The following SATB2 variants were observed in gnomAD, a reference collection of about 807,000 sequenced individuals.
SATB2 encodes SATB homeobox 2.
SATB2 carries 1 observed loss-of-function variant against 73.4 expected under a neutral mutation model. The ratio of observed to expected loss-of-function variants is 0.01; its 90% CI spans 0.00 to 0.06. The LOEUF (loss-of-function observed/expected upper bound fraction) is 0.06. SATB2 is among the 10% of genes least tolerant of loss of function. SATB2 has a pLI of 1.00. For synonymous variants in SATB2, 397 were observed against 367.0 expected, an observed-to-expected ratio of 1.08 and a Z score of -0.93; for missense variants, 459 against 945.8, an observed-to-expected ratio of 0.49 and a Z score of 6.75.
chr2:199,383,276 G>A (rs1445342560), intron 3 of SATB2, among the ~76,000 whole-genome samples: 2 of 152,042 alleles, frequency 1.3e-5, no homozygotes, highest in Admixed American at 6.5e-5. Context: ...GTTTTCTTGC[G>A]GGGATAGTTT....
chr2:199,329,092 T>G, intron 7 of SATB2, 182 bp from the exon 8 acceptor site: 1 of 658,432 alleles, frequency 1.5e-6, no homozygotes, highest in Non-Finnish European at 2.7e-6. Flanking sequence ...CCGGGGGATA[T>G]GCATTATTTT....
chr2:199,278,259 G>A (rs534315390), intron 10 of SATB2, among the ~76,000 whole-genome samples: 2 of 152,108 alleles, frequency 1.3e-5, no homozygotes, highest in Non-Finnish European at 2.9e-5. Flanking sequence ...GAATATACTT[G>A]GTACAATTGC....
intron 10 of SATB2, among the ~76,000 whole-genome samples, chr2:199,276,494 G>A (rs996850815): frequency 6.6e-6 from 1 of 152,162 alleles, no homozygotes; most frequent in African/African-American, 2.4e-5. Flanking sequence ...TGCTGATGGA[G>A]AGACCTATAA....
In SATB2 at chr2:199,270,078, G is replaced by A. The variant is rs1455753377; in HGVS notation, c.*2133C>T. On this transcript the variant is annotated 3_prime_UTR_variant, in exon 11 of 11. Coordinates refer to ENST00000417098, the MANE Select transcript of SATB2 (RefSeq NM_001172509.2). ...AGTGTAAGAAGACAATTTGGAAAGAGTAACTCGGAGATCAGGAAGCAGCAA... is the reference window on the plus strand; with the variant it reads ...AGTGTAAGAAGACAATTTGGAAAGAATAACTCGGAGATCAGGAAGCAGCAA... The A allele has an allele frequency of 2.6e-5, 4 of 152,746 alleles. No individual in the cohort carries two copies. Among genetic ancestry groups the A allele is most frequent in the Admixed American group, 6.5e-5 (1 of 15,278 alleles). The allele number at this position is 152,746 out of a possible 1,614,324, so 9.5% of individuals were successfully genotyped here.
chr2:199,310,758 C>A (rs1687573043), intron 9 of SATB2, among the ~76,000 whole-genome samples: 1 of 152,170 alleles, frequency 6.6e-6, no homozygotes. Context: ...CAAAAACCTG[C>A]ATCTGTTAAA....
intron 2 of SATB2, among the ~76,000 whole-genome samples, chr2:199,440,415 A>G (rs139070342): frequency 9.1e-4 from 139 of 152,338 alleles, no homozygotes; most frequent in African/African-American, 3.2e-3. Context: ...TGAATGGTTT[A>G]GTGTTCTCCT....
In SATB2 at chr2:199,305,760, G is replaced by T. The variant is rs148017460; in HGVS notation, c.1740+3000C>A. 3.3e-3 allele frequency among the ~76,000 whole-genome samples: 500 copies of T among 152,184 alleles called. 2 individuals are homozygous for T. Among genetic ancestry groups the T allele is most frequent in the African/African-American group, 0.011 (465 of 41,522 alleles). On this transcript the variant is annotated intron_variant, in intron 10 of 10. Transcript: ENST00000417098. ...TACCCTAATACAACAGATTAATCTG[G>T]TGGGTAATTATGCACAGAAATCACT...
chr2:199,469,901 A>G (rs1260263736), upstream of SATB2: 4 of 152,532 alleles, frequency 2.6e-5, no homozygotes, highest in East Asian at 7.5e-4. Flanking sequence ...AGCTGTGTGT[A>G]TTGAGGGAAG....
intron 2 of SATB2, among the ~76,000 whole-genome samples, chr2:199,436,963 G>C (rs1204646715): frequency 6.6e-6 from 1 of 151,732 alleles, no homozygotes; most frequent in Non-Finnish European, 1.5e-5. Context: ...AAGATAGGGA[G>C]GTGCTTGAAA....
chr2:199,322,557 T>A (rs934684195), intron 9 of SATB2, among the ~76,000 whole-genome samples: 2 of 152,132 alleles, frequency 1.3e-5, no homozygotes, highest in Admixed American at 6.6e-5. Flanking sequence ...AAAGTCAGAG[T>A]AATCTGGAAA....
chr2:199,310,852 G>A (rs1008595097), intron 9 of SATB2, among the ~76,000 whole-genome samples: 9 of 152,192 alleles, frequency 5.9e-5, no homozygotes, highest in Non-Finnish European at 8.8e-5. Context: ...GTGGGAAGCC[G>A]CAGCTTGAAA....
At chr2:199,403,480 G>C (rs926980927) in intron 3 of SATB2, among the ~76,000 whole-genome samples, 1 of 152,098 alleles carries the variant, frequency 6.6e-6, no homozygotes, top group African/African-American at 2.4e-5. Context: ...TTCAAGGTAA[G>C]AAATATCTTG....
At chr2:199,371,061 T>C (rs1234484453) in intron 5 of SATB2, among the ~76,000 whole-genome samples, 2 of 152,172 alleles carry the variant, frequency 1.3e-5, no homozygotes, top group African/African-American at 4.8e-5. Flanking sequence ...TCCCTGCAGG[T>C]CTTTATATAG....
chr2:199,398,879 T>C (rs1690382787), intron 3 of SATB2, among the ~76,000 whole-genome samples: 1 of 152,178 alleles, frequency 6.6e-6, no homozygotes, highest in African/African-American at 2.4e-5. Flanking sequence ...TAACAGTGGG[T>C]AAGAGAGTAA....
At chr2:199,412,769 A>G (rs1690861379) in intron 3 of SATB2, among the ~76,000 whole-genome samples, 1 of 152,166 alleles carries the variant, frequency 6.6e-6, no homozygotes, top group Admixed American at 6.5e-5. Flanking sequence ...AAACCTCCCT[A>G]ATGGGGACAA....
rs186540447 is a variant in SATB2 at position 199,308,469 on chromosome 2, C to T, written c.1740+291G>A. Among the ~76,000 whole-genome samples, 119 of 152,252 alleles carry T rather than the reference C, an allele frequency of 7.8e-4. No homozygotes were observed. The highest frequency in any genetic ancestry group is 2.7e-3 in the African/African-American group (113 of 41,536). ...ATTCTCCGTGAGCGCTCTGGCTTTA[C>T]AATCCCACAAGTAAAATGATCTCAG... On this transcript the variant is annotated intron_variant, in intron 10 of 10. Coordinates refer to ENST00000417098, the MANE Select transcript of SATB2 (RefSeq NM_001172509.2). The surrounding 1 kb of genome is among the most constrained non-coding windows in gnomAD (Gnocchi z 4.6).
intron 3 of SATB2, among the ~76,000 whole-genome samples, chr2:199,409,079 G>T (rs1230649459): frequency 1.3e-5 from 2 of 151,856 alleles, no homozygotes; most frequent in Non-Finnish European, 2.9e-5. Flanking sequence ...AGACGGGAGG[G>T]TATGATGATA....
intron 3 of SATB2, among the ~76,000 whole-genome samples, chr2:199,417,011 G>A (rs1268156683): frequency 6.6e-6 from 1 of 150,454 alleles, no homozygotes; most frequent in Non-Finnish European, 1.5e-5. Context: ...ACTCCGGCCT[G>A]GGGGACAGAG....
At chr2:199,322,340 A>G (rs756825955) in intron 9 of SATB2, among the ~76,000 whole-genome samples, 2 of 152,232 alleles carry the variant, frequency 1.3e-5, no homozygotes, top group African/African-American at 2.4e-5. Context: ...TTAAATGCAC[A>G]GTAGTTTTGC....
Sources: allele counts gnomAD v4.1 joint callset (sites outside exome capture counted in the v4.1 genomes callset), GRCh38; gene constraint gnomAD v4.1.1; non-coding constraint Gnocchi (gnomAD v3.1); transcripts MANE v1.5; gene names NCBI Gene and HGNC (gene_info 2026-07-23, HGNC 2026-07-21).